Variants in ZNF407 observed in about 807,000 individuals in gnomAD.
ZNF407 encodes the protein zinc finger protein 407.
Under a neutral mutation model 131.2 loss-of-function variants are expected in ZNF407, and 17 were observed. The ratio of observed to expected loss-of-function variants is 0.13; its 90% CI spans 0.09 to 0.19. The LOEUF is 0.19. Among genes scored for constraint, ZNF407 ranks in the 10% least tolerant of loss-of-function variants. ZNF407 has a pLI of 1.00. For synonymous variants in ZNF407, 1,156 were observed against 1,062.0 expected (o/e 1.09, Z -1.72); for missense variants, 2,681 against 2,830.6 (o/e 0.95, Z 1.20).
Position 75,063,686 on chromosome 18 carries a change from C to T in ZNF407, c.5965C>T (p.Leu1989=), listed in dbSNP as rs774462367. Residue 1989 remains leucine, a synonymous_variant, in exon 9 of 9, where the codon CTG becomes TTG. Coordinates refer to ENST00000299687, the MANE Select transcript of ZNF407 (RefSeq NM_017757.3). The surrounding 1 kb of genome is among the most constrained non-coding windows in gnomAD (Gnocchi z 6.6). ...GVAPPEASSA[L]DALLCAVTEL... ...CGCTCCCCCCGAGGCATCCTCAGCC[C>T]TGGATGCATTGCTCTGTGCGGTCAC... The T allele has an allele frequency of 1.4e-4, 233 of 1,611,466 alleles. 1 individual carries two copies. In the Admixed American group the frequency reaches 3.6e-3, roughly 25 times the overall value.
intron 4 of ZNF407, among the ~76,000 whole-genome samples, chr18:74,782,417 G>C (rs983423945): frequency 1.3e-5 from 2 of 152,168 alleles, no homozygotes; most frequent in Admixed American, 6.5e-5. Context: ...GGGAATTTAA[G>C]TTGACTTTTC....
rs200972611 is a variant in ZNF407 at position 74,631,330 on chromosome 18, G to A, written c.311G>A (p.Gly104Glu). 4.3e-6 allele frequency: 7 copies of A among 1,613,994 alleles called. No homozygotes were observed. The Admixed American group carries it at 5.0e-5, about 12-fold the overall frequency. The change falls in exon 2 of 9, where the codon GGG becomes GAG. Residue 104 changes from glycine to glutamate, a missense_variant. Coordinates refer to ENST00000299687, the MANE Select transcript of ZNF407 (RefSeq NM_017757.3). ...ACTTCTGAGAGCTCAGTCACAGAAG[G>A]GGGTATTGCATTAGATGAAACAGGG... ...LETSESSVTE[G>E]GIALDETGKE... is the part of the protein sequence containing the mutation.
intron 7 of ZNF407, among the ~76,000 whole-genome samples, chr18:74,899,701 G>A (rs1327576956): frequency 6.6e-6 from 1 of 152,212 alleles, no homozygotes; most frequent in Non-Finnish European, 1.5e-5. Flanking sequence ...ACAGACAGGG[G>A]AGGGACCTCC....
intron 8 of ZNF407, among the ~76,000 whole-genome samples, chr18:75,027,983 A>G (rs1288431574): frequency 6.6e-6 from 1 of 152,198 alleles, no homozygotes; most frequent in African/African-American, 2.4e-5. Context: ...TGTGAGCACA[A>G]GGCAGTGGTA....
At chr18:74,800,956 T>C (rs1168929097) in intron 4 of ZNF407, among the ~76,000 whole-genome samples, 1 of 152,116 alleles carries the variant, frequency 6.6e-6, no homozygotes, top group Non-Finnish European at 1.5e-5. Flanking sequence ...AGATTCATTA[T>C]ACCGTTTTTT....
intron 8 of ZNF407, among the ~76,000 whole-genome samples, chr18:74,921,660 A>G (rs1971848231): frequency 6.6e-6 from 1 of 152,202 alleles, no homozygotes. Flanking sequence ...GTGAGAATTT[A>G]AAAAGATAAT....
chr18:74,932,395 A>C (rs1230187666), intron 8 of ZNF407, among the ~76,000 whole-genome samples: 1 of 152,196 alleles, frequency 6.6e-6, no homozygotes, highest in Non-Finnish European at 1.5e-5. Flanking sequence ...AGTTTCTGAA[A>C]TTAAGCATGC....
chr18:74,862,305 G>A (rs570761158), intron 4 of ZNF407, among the ~76,000 whole-genome samples: 19 of 152,348 alleles, frequency 1.2e-4, no homozygotes, highest in African/African-American at 3.6e-4. Context: ...CTGGCTGCAC[G>A]TTGGATCGAG....
chr18:74,722,281 G>A (rs532947756), intron 3 of ZNF407, among the ~76,000 whole-genome samples: 2 of 151,484 alleles, frequency 1.3e-5, no homozygotes, highest in Admixed American at 6.6e-5. Context: ...AGGTCTCTCC[G>A]GCTCATTCTT....
chr18:74,889,830 A>G (rs767177291), intron 6 of ZNF407, 88 bp from the exon 7 acceptor site: 107 of 1,209,546 alleles, frequency 8.8e-5, no homozygotes, highest in Middle Eastern at 5.7e-4. Context: ...ATGGAAATAA[A>G]TGTTTTTTAA....
intron 4 of ZNF407, among the ~76,000 whole-genome samples, chr18:74,832,024 T>C (rs1211208953): frequency 6.6e-6 from 1 of 152,262 alleles, no homozygotes; most frequent in African/African-American, 2.4e-5. Flanking sequence ...GCCTTGGCGC[T>C]GTGAAAATAC....
chr18:74,708,718 G>A (rs1190897891), intron 3 of ZNF407, among the ~76,000 whole-genome samples: 1 of 152,222 alleles, frequency 6.6e-6, no homozygotes, highest in Non-Finnish European at 1.5e-5. Context: ...CCTTGGTGGG[G>A]TCTGCCAGCT....
At chr18:74,789,145 C>T (rs987201844) in intron 4 of ZNF407, among the ~76,000 whole-genome samples, 7 of 152,092 alleles carry the variant, frequency 4.6e-5, no homozygotes, top group Admixed American at 6.6e-5. Flanking sequence ...TGATAATTTT[C>T]GTAGGTATAA....
intron 4 of ZNF407, among the ~76,000 whole-genome samples, chr18:74,796,146 A>G (rs893876696): frequency 6.6e-6 from 1 of 152,240 alleles, no homozygotes; most frequent in Non-Finnish European, 1.5e-5. Flanking sequence ...TAATTTTATC[A>G]TGGTGACTTG....
intron 4 of ZNF407, among the ~76,000 whole-genome samples, chr18:74,841,704 T>C (rs1339146044): frequency 6.6e-6 from 1 of 152,202 alleles, no homozygotes; most frequent in Non-Finnish European, 1.5e-5. Context: ...AAGGGATTTG[T>C]TTGTGTGTTT....
intron 8 of ZNF407, among the ~76,000 whole-genome samples, chr18:74,979,817 C>T (rs999571273): frequency 6.6e-6 from 1 of 152,114 alleles, no homozygotes; most frequent in African/African-American, 2.4e-5. Context: ...CACCACTTTA[C>T]GTATCTGTGA....
intron 3 of ZNF407, among the ~76,000 whole-genome samples, chr18:74,732,471 A>G (rs1314658673): frequency 6.6e-6 from 1 of 152,158 alleles, no homozygotes; most frequent in Non-Finnish European, 1.5e-5. Context: ...GGAGATGTCT[A>G]CCTTCCTCTA....
chr18:74,803,734 G>C (rs1173621003), intron 4 of ZNF407, among the ~76,000 whole-genome samples: 1 of 152,156 alleles, frequency 6.6e-6, no homozygotes, highest in Non-Finnish European at 1.5e-5. Flanking sequence ...TTTCTAGTTT[G>C]GTCACATTTA....
chr18:74,978,645 T>C (rs115269728), intron 8 of ZNF407, among the ~76,000 whole-genome samples: 37 of 150,828 alleles, frequency 2.5e-4, no homozygotes, highest in African/African-American at 8.3e-4. Context: ...CCATCCTAGA[T>C]TGAGAAAGGA....
Sources: gnomAD v4.1 joint callset for allele counts (sites outside exome capture counted in the v4.1 genomes callset) on GRCh38, gnomAD v4.1.1 for gene constraint, Gnocchi (gnomAD v3.1) non-coding constraint, MANE v1.5 for transcripts, NCBI Gene and HGNC (gene_info 2026-07-23, HGNC 2026-07-21) for gene names.